KLK10: variants seen among roughly 807,000 people sequenced by gnomAD.
The protein encoded by KLK10 is kallikrein related peptidase 10, also known as kallikrein-10.
In KLK10, 27 loss-of-function variants were observed where a neutral mutation model predicts 25.7. The ratio of observed to expected loss-of-function variants is 1.05; its 90% CI spans 0.77 to 1.45. The LOEUF (loss-of-function observed/expected upper bound fraction) is 1.45. Ranked by LOEUF, KLK10 falls within the 40% of genes most tolerant of loss-of-function variation. The pLI, the probability that KLK10 is intolerant of heterozygous loss-of-function variation, is 0.00. For missense variants in KLK10, 386 were observed against 370.0 expected (o/e 1.04, Z -0.35); for synonymous variants, 173 against 160.1 (o/e 1.08, Z -0.61).
chr19:51,015,646 G>A, intron 4 of KLK10, 96 bp from the exon 5 acceptor site: 1 of 1,394,666 alleles, frequency 7.2e-7, no homozygotes, highest in Non-Finnish European at 1.0e-6. Flanking sequence ...CTAAGCCCCA[G>A]CCCCTCCTCC....
intron 2 of KLK10, 172 bp downstream of exon 2, chr19:51,018,871 G>A (rs912691411): frequency 1.1e-5 from 7 of 612,002 alleles, no homozygotes; most frequent in East Asian, 5.5e-5. Flanking sequence ...CCCAGGGGCC[G>A]AGCCAGAAGA....
chr19:51,017,125 G>A lies in KLK10; in HGVS notation c.254C>T (p.Ala85Val). The part of the protein sequence containing the change: ...LVDQSWVLTA[A>V]HCGNKPLWAR... ...CTCCTCCTACTTGTTTCCGCAGTGCGCGGCCGTCAGCACCCAACTCTGGTC... is the reference window on the plus strand; with the variant it reads ...CTCCTCCTACTTGTTTCCGCAGTGCACGGCCGTCAGCACCCAACTCTGGTC... Residue 85 changes from alanine (A) to valine (V), a missense_variant, in exon 3 of 6, where the codon GCG becomes GTG. Physicochemically the swap from Ala to Val is moderately conservative, Grantham distance 64 (BLOSUM62 0). Coordinates refer to ENST00000358789, the MANE Select transcript of KLK10 (RefSeq NM_145888.3). 1 of 1,606,118 alleles carries A rather than the reference G, an allele frequency of 6.2e-7. No individual in the cohort carries two copies. Among genetic ancestry groups the A allele is most frequent in the Non-Finnish European group, 8.5e-7 (1 of 1,177,004 alleles).
Position 51,015,505 on chromosome 19 carries a change from C to G in KLK10, c.590G>C (p.Ser197Thr), listed in dbSNP as rs768671963. ...GLTCSSITIL[S>T]PKECEVFYPG... ...GTAGAAGACCTCACACTCTTTAGGG[C>G]TCAGGATAGTGATGCTGGAGCAGGT... The change falls in exon 5 of 6, where the codon AGC becomes ACC. Residue 197 changes from serine to threonine, a missense_variant. Coordinates refer to ENST00000358789, the MANE Select transcript of KLK10 (RefSeq NM_145888.3). 163 of 1,613,822 alleles carry G rather than the reference C, an allele frequency of 1.0e-4. No individual in the cohort carries two copies. The highest frequency in any genetic ancestry group is 1.3e-4 in the Non-Finnish European group (158 of 1,179,882).
chr19:51,016,659 A>G (rs2091332619), intron 3 of KLK10, among the ~76,000 whole-genome samples: 1 of 150,048 alleles, frequency 6.7e-6, no homozygotes, highest in Non-Finnish European at 1.5e-5. Context: ...GCTGGTCTTG[A>G]ACTCCTGACC....
Position 51,014,635 on chromosome 19 carries a change from TGA to T in KLK10, c.*163_*164del, listed in dbSNP as rs1390185463. 8 of 587,548 alleles carry T rather than the reference TGA, an allele frequency of 1.4e-5. No individual in the cohort carries two copies. The East Asian group carries it at 2.3e-4, about 17-fold the overall frequency. The allele number at this position is 587,548 out of a possible 1,614,324, so 36.4% of individuals were successfully genotyped here. On this transcript the variant is annotated 3_prime_UTR_variant, in exon 6 of 6. Transcript: ENST00000358789. ...AATGGGGATAGGTGGGGGAATGAGG[TGA>T]GAGGGGAGATGTTTAGAGGTGTGGA... is the stretch of plus-strand genomic sequence containing the variant.
In KLK10 at chr19:51,019,270, A is replaced by C; in HGVS notation, c.-9-131T>G. 3 of 590,644 alleles carry C rather than the reference A, an allele frequency of 5.1e-6. No homozygotes were observed. The highest frequency in any genetic ancestry group is 5.9e-6 in the Non-Finnish European group (2 of 337,802). The allele number at this position is 590,644 out of a possible 1,614,324, so 36.6% of individuals were successfully genotyped here. A position where few individuals can be genotyped will look rare whatever the true frequency, so the allele number is the denominator to read the frequency against. On this transcript the variant is annotated intron_variant, in intron 1 of 5. Transcript: ENST00000358789. The surrounding 1 kb of genome is among the most constrained non-coding windows in gnomAD (Gnocchi z 4.2). ...CTTTTGACCTGCAGCCGATAACCCCAGGGGCTGGCAGACGGGAGATTCGGG... is the reference window on the plus strand; with the variant it reads ...CTTTTGACCTGCAGCCGATAACCCCCGGGGCTGGCAGACGGGAGATTCGGG...
At position 51,014,733 on chromosome 19, in the gene KLK10, T is replaced by C. The variant is rs2122404852; in HGVS notation, c.*67A>G. ...GACTGGGGAGGAAGAGGATGGACGATGGAGCCTCTGGGCATCTGGATCAGC... is the reference window on the plus strand; with the variant it reads ...GACTGGGGAGGAAGAGGATGGACGACGGAGCCTCTGGGCATCTGGATCAGC... On this transcript the variant is annotated 3_prime_UTR_variant, in exon 6 of 6. Transcript: ENST00000358789. The C allele has an allele frequency of 6.5e-7, 1 of 1,541,888 alleles. No individual in the cohort carries two copies.
In KLK10 at chr19:51,017,274, C is replaced by A; in HGVS notation, c.105G>T (p.Leu35=). 1 of 1,605,406 alleles carries A rather than the reference C, an allele frequency of 6.2e-7. No homozygotes were observed. ...MAQLWAAEAA[L]LPQNDTRLDP... ...CCAAGCGCGTGTCGTTTTGGGGGAG[C>A]AGCGCCGCCTCTGCGGCTGGAGAAA... Residue 35 remains leucine (L), a synonymous_variant, in exon 3 of 6, where the codon CTG becomes CTT. Coordinates refer to ENST00000358789, the MANE Select transcript of KLK10 (RefSeq NM_145888.3).
rs370714030 is a variant in KLK10 at position 51,017,257 on chromosome 19, G to A, written c.122C>T (p.Thr41Met). The A allele has an allele frequency of 5.6e-6, 9 of 1,609,836 alleles. No individual in the cohort carries two copies. In the East Asian group the frequency reaches 8.9e-5, roughly 16 times the overall value. The change falls in exon 3 of 6, where the codon ACG becomes ATG. Residue 41 changes from threonine (T) to methionine (M), a missense_variant. By Grantham distance (81) the Thr-to-Met change is moderately conservative. Coordinates refer to ENST00000358789, the MANE Select transcript of KLK10 (RefSeq NM_145888.3). ...GCCATAGGCTTCGGGGTCCAAGCGC[G>A]TGTCGTTTTGGGGGAGCAGCGCCGC... ...AEAALLPQNDTRLDPEAYGSP... is the reference protein window; with the variant it reads ...AEAALLPQNDMRLDPEAYGSP...
chr19:51,015,180 ATT>A (rs1491181683), intron 5 of KLK10, among the ~76,000 whole-genome samples: 1 of 149,618 alleles, frequency 6.7e-6, no homozygotes, highest in Non-Finnish European at 1.5e-5. Context: ...TGGGGTTGGG[ATT>A]GTAGTTCATG....
rs776763583 is a variant in KLK10, at chr19:51,015,426, G to A, written c.669C>T (p.Asp223=). The A allele has an allele frequency of 3.7e-6, 6 of 1,613,650 alleles. No individual in the cohort carries two copies. Among genetic ancestry groups the A allele is most frequent in the Non-Finnish European group, 5.1e-6 (6 of 1,179,794 alleles). Residue 223 remains aspartate, a synonymous_variant, in exon 5 of 6, where the codon GAC becomes GAT. Coordinates refer to ENST00000358789, the MANE Select transcript of KLK10 (RefSeq NM_145888.3). The part of the protein sequence containing the change: ...MICAGLDRGQ[D]PCQSDSGGPL... ...CCTGTTCAGACCCTACCTGGCAAGG[G>A]TCCTGGCCCCGGTCCAGTCCAGCAC...
At chr19:51,015,363 A>G in intron 5 of KLK10, 54 bp downstream of exon 5, 1 of 1,589,470 alleles carries the variant, frequency 6.3e-7, no homozygotes, top group Non-Finnish European at 8.6e-7. Context: ...CTTTTCCCAT[A>G]ACCTCCCTGT....
Position 51,014,062 on chromosome 19 carries a change from C to CGTGCCAAAGCA in KLK10, c.*737_*738insTGCTTTGGCAC, listed in dbSNP as rs11275641. The CGTGCCAAAGCA allele has an allele frequency of 1.3e-5, 2 of 151,842 alleles. No homozygotes were observed. The highest frequency in any genetic ancestry group is 4.8e-5 in the African/African-American group (2 of 41,284). 9.4% of individuals were successfully genotyped at this position (151,842 alleles called of 1,614,324 possible). ...CTAATGACTCAGGGCCAGCCTAGCT[C>CGTGCCAAAGCA]GGAGGAACTGGTGTTGGGTGGAACC... On this transcript the variant is annotated 3_prime_UTR_variant, in exon 6 of 6. Transcript: ENST00000358789.
In KLK10 at chr19:51,019,151, T is replaced by G; in HGVS notation, c.-9-12A>C. 1 of 1,589,134 alleles carries G rather than the reference T, an allele frequency of 6.3e-7. No homozygotes were observed. The highest frequency in any genetic ancestry group is 8.6e-7 in the Non-Finnish European group (1 of 1,164,752). ...CTCATGGCCAGGATCTGCTGGGGTGTGTGCAGGGGCGGGTTAAAACAGATG... is the reference window on the plus strand; with the variant it reads ...CTCATGGCCAGGATCTGCTGGGGTGGGTGCAGGGGCGGGTTAAAACAGATG... On this transcript the variant is annotated splice_polypyrimidine_tract_variant and intron_variant, in intron 1 of 5. Transcript: ENST00000358789. This position sits in a 1 kb window ranked among gnomAD's most constrained non-coding sequence, Gnocchi z 4.2.
chr19:51,019,277 G>A lies in KLK10; in HGVS notation c.-9-138C>T, dbSNP rs975371084. ...CCTGCAGCCGATAACCCCAGGGGCT[G>A]GCAGACGGGAGATTCGGGCTGGAAC... On this transcript the variant is annotated intron_variant, in intron 1 of 5. Coordinates refer to ENST00000358789, the MANE Select transcript of KLK10 (RefSeq NM_145888.3). The surrounding 1 kb of genome is among the most constrained non-coding windows in gnomAD (Gnocchi z 4.2). The A allele has an allele frequency of 3.1e-5, 18 of 584,184 alleles. No homozygotes were observed. In the South Asian group the frequency reaches 3.6e-4, roughly 12 times the overall value. 36.2% of individuals were successfully genotyped at this position (584,184 alleles called of 1,614,324 possible). A position where few individuals can be genotyped will look rare whatever the true frequency, so the allele number is the denominator to read the frequency against.
chr19:51,018,952 G>A, intron 2 of KLK10, 91 bp downstream of exon 2: 1 of 960,500 alleles, frequency 1.0e-6, no homozygotes. Flanking sequence ...CGGGGGAGGA[G>A]AGGTGCGCGG....
At chr19:51,017,089 C>T (rs1476258241) in intron 3 of KLK10, 21 bp downstream of exon 3, 16 of 1,560,088 alleles carry the variant, frequency 1.0e-5, no homozygotes, top group Non-Finnish European at 1.3e-5. Flanking sequence ...GTGGCGTCCT[C>T]GGGGATGGAT....
rs1016902599 is a variant in KLK10 at position 51,013,004 on chromosome 19, A to C, written c.*1796T>G. 5 of 152,122 alleles carry C rather than the reference A, an allele frequency of 3.3e-5. No homozygotes were observed. The highest frequency in any genetic ancestry group is 7.4e-5 in the Non-Finnish European group (5 of 68,024). 9.4% of individuals were successfully genotyped at this position (152,122 alleles called of 1,614,324 possible). ...TGGCATAAGACGTGGCTCGATAAAC[A>C]TTGTGGAGTGACTAAAGGGACGGGT... On this transcript the variant is annotated 3_prime_UTR_variant, in exon 6 of 6. Coordinates refer to ENST00000358789, the MANE Select transcript of KLK10 (RefSeq NM_145888.3).
upstream of KLK10, chr19:51,019,758 C>T (rs755332531): frequency 1.3e-5 from 2 of 152,272 alleles, no homozygotes; most frequent in Non-Finnish European, 2.9e-5. This position sits in a 1 kb window ranked among gnomAD's most constrained non-coding sequence, Gnocchi z 4.2. Context: ...AGTCCGGAAG[C>T]TTCTCCACCC....
Sources: allele counts gnomAD v4.1 joint callset (sites outside exome capture counted in the v4.1 genomes callset), GRCh38; gene constraint gnomAD v4.1.1; non-coding constraint Gnocchi (gnomAD v3.1); transcripts MANE v1.5; gene names NCBI Gene and HGNC (gene_info 2026-07-23, HGNC 2026-07-21).